Variants in CCDC85A observed in about 807,000 individuals in gnomAD.
CCDC85A encodes coiled-coil domain-containing protein 85A.
Under a neutral mutation model 50.2 loss-of-function variants are expected in CCDC85A, and 38 were observed. That is an observed-to-expected ratio of 0.76 (90% CI 0.58 to 0.99). The LOEUF is 0.99. Ranked by LOEUF, CCDC85A falls within the 50% of genes least tolerant of loss-of-function variation. The probability of loss-of-function intolerance (pLI) is 0.00; values close to 1 mark genes in which losing one functional copy is unlikely to be tolerated. For missense variants in CCDC85A, 820 were observed against 742.0 expected, an observed-to-expected ratio of 1.11 and a Z score of -1.22; for synonymous variants, 366 against 301.4, an observed-to-expected ratio of 1.21 and a Z score of -2.22.
At chr2:56,366,132 A>T (rs1675780491) in intron 3 of CCDC85A, among the ~76,000 whole-genome samples, 1 of 152,200 alleles carries the variant, frequency 6.6e-6, no homozygotes, top group Admixed American at 6.5e-5. Context: ...GTATATATAG[A>T]TAGCACATTT....
At chr2:56,335,518 G>A (rs1312774681) in intron 2 of CCDC85A, among the ~76,000 whole-genome samples, 3 of 152,046 alleles carry the variant, frequency 2.0e-5, no homozygotes, top group African/African-American at 7.2e-5. Flanking sequence ...AGGAATCCAA[G>A]ATCAAGGGGT....
intron 5 of CCDC85A, among the ~76,000 whole-genome samples, chr2:56,383,341 A>G (rs538894819): frequency 2.5e-4 from 38 of 152,110 alleles, no homozygotes; most frequent in Non-Finnish European, 2.9e-5. Flanking sequence ...AATCAATCTG[A>G]TCATAATCCT....
rs1676359315 is a variant in CCDC85A at position 56,192,910 on chromosome 2, T to C, written c.710T>C (p.Leu237Pro). 3 of 1,612,344 alleles carry C rather than the reference T, an allele frequency of 1.9e-6. No individual in the cohort carries two copies. Among genetic ancestry groups the C allele is most frequent in the Admixed American group, 1.7e-5 (1 of 59,832 alleles). The change falls in exon 2 of 6, where the codon CTG (leucine) becomes CCG (proline). Residue 237 changes from leucine to proline, a missense_variant. Transcript: ENST00000407595. The surrounding 1 kb of genome is among the most constrained non-coding windows in gnomAD (Gnocchi z 4.7). ...HHASSGSPEH[L>P]QKPRSEGSPE... ...GCGAGCAGTGGCAGCCCGGAGCACC[T>C]GCAGAAGCCCCGGAGCGAGGGCAGC...
At chr2:56,369,066 G>C (rs757036180) in intron 3 of CCDC85A, among the ~76,000 whole-genome samples, 3 of 151,848 alleles carry the variant, frequency 2.0e-5, no homozygotes, top group Non-Finnish European at 4.4e-5. Context: ...TCATCGTTTT[G>C]TGATTCATGT....
chr2:56,196,538 T>G (rs1313761764), intron 2 of CCDC85A, among the ~76,000 whole-genome samples: 2 of 152,170 alleles, frequency 1.3e-5, no homozygotes, highest in African/African-American at 2.4e-5. Context: ...TAGGCAAAAA[T>G]GTTTCCTTCC....
chr2:56,345,759 A>G (rs1349137793), intron 3 of CCDC85A, among the ~76,000 whole-genome samples: 2 of 152,204 alleles, frequency 1.3e-5, no homozygotes, highest in African/African-American at 2.4e-5. Flanking sequence ...TTACTCTTAG[A>G]TGTTACTGAT....
rs1324212946 is a variant in CCDC85A, at chr2:56,292,833, A to G, written c.1241-50046A>G. On this transcript the variant is annotated intron_variant, in intron 2 of 5. Transcript: ENST00000407595. ...ATGGCCCATCATTGACATTTATGATATTGCTTATAAAAAGAAGCTGAACAT... is the reference window on the plus strand; with the variant it reads ...ATGGCCCATCATTGACATTTATGATGTTGCTTATAAAAAGAAGCTGAACAT... 2.0e-5 allele frequency among the ~76,000 whole-genome samples: 3 copies of G among 152,256 alleles called. No homozygotes were observed. The East Asian group carries it at 5.8e-4, about 29-fold the overall frequency.
chr2:56,249,988 T>C (rs1669683801), intron 2 of CCDC85A, among the ~76,000 whole-genome samples: 1 of 152,224 alleles, frequency 6.6e-6, no homozygotes. Flanking sequence ...TTTGAGGATC[T>C]TGAAATGGTA....
At chr2:56,369,050 G>T (rs1011398777) in intron 3 of CCDC85A, among the ~76,000 whole-genome samples, 3 of 151,952 alleles carry the variant, frequency 2.0e-5, no homozygotes, top group Admixed American at 6.6e-5. Flanking sequence ...ATCAAATTCT[G>T]AGTGATCATC....
rs570127630 is a variant in CCDC85A, at chr2:56,212,431, G to T, written c.1240+18991G>T. ...ATTCCAAAATTACTGTTGTCGAATG[G>T]CAGTGTTCAGAGTATTCATAATGGG... On this transcript the variant is annotated intron_variant, in intron 2 of 5. Transcript: ENST00000407595. Among the ~76,000 whole-genome samples, 16 of 151,998 alleles carry T rather than the reference G, an allele frequency of 1.1e-4. No individual in the cohort carries two copies. In the East Asian group the frequency reaches 3.1e-3, roughly 30 times the overall value.
intron 2 of CCDC85A, among the ~76,000 whole-genome samples, chr2:56,256,282 T>G (rs1187187557): frequency 6.6e-6 from 1 of 152,210 alleles, no homozygotes; most frequent in Non-Finnish European, 1.5e-5. Context: ...AACCTCCTGG[T>G]TGGAATTGAC....
intron 2 of CCDC85A, among the ~76,000 whole-genome samples, chr2:56,252,770 C>G (rs1243931927): frequency 1.3e-5 from 2 of 152,122 alleles, no homozygotes; most frequent in East Asian, 3.9e-4. Flanking sequence ...GCTCAACTCC[C>G]ACCTATGAGT....
intron 3 of CCDC85A, among the ~76,000 whole-genome samples, chr2:56,371,946 A>G (rs1676096596): frequency 1.3e-5 from 2 of 152,138 alleles, no homozygotes; most frequent in Non-Finnish European, 2.9e-5. Context: ...TCCCAATTGT[A>G]TTTCAAATAA....
chr2:56,307,574 A>G (rs1281129388), intron 2 of CCDC85A, among the ~76,000 whole-genome samples: 3 of 152,216 alleles, frequency 2.0e-5, no homozygotes, highest in African/African-American at 7.2e-5. Flanking sequence ...TTAGCATATC[A>G]TTAATTGAAT....
rs536972336 is a variant in CCDC85A, at chr2:56,294,121, G to A, written c.1241-48758G>A. Among the ~76,000 whole-genome samples the A allele has an allele frequency of 6.6e-5, 10 of 152,296 alleles. No individual in the cohort carries two copies. In the East Asian group the frequency reaches 1.9e-3, roughly 29 times the overall value. ...ATTGTGCAACCATAAAATGGAATGA[G>A]ATCATGTCCATTGCAGGGACATGGA... On this transcript the variant is annotated intron_variant, in intron 2 of 5. Coordinates refer to ENST00000407595, the MANE Select transcript of CCDC85A (RefSeq NM_001080433.2).
intron 4 of CCDC85A, among the ~76,000 whole-genome samples, chr2:56,374,466 A>G (rs950430692): frequency 4.6e-5 from 7 of 152,238 alleles, no homozygotes; most frequent in Admixed American, 3.9e-4. Flanking sequence ...ATCCATACCT[A>G]TAATTGCTGG....
chr2:56,247,466 A>T lies in CCDC85A; in HGVS notation c.1240+54026A>T, dbSNP rs558214640. ...CACTTTTCATAGGAGGTTGTTCTGC[A>T]ATCTTAAAGTAACTGGAGTGTTTTC... is the stretch of plus-strand genomic sequence containing the variant. On this transcript the variant is annotated intron_variant, in intron 2 of 5. Transcript: ENST00000407595. 3.3e-5 allele frequency among the ~76,000 whole-genome samples: 5 copies of T among 152,316 alleles called. No individual in the cohort carries two copies. In the East Asian group the frequency reaches 9.6e-4, roughly 29 times the overall value.
intron 3 of CCDC85A, among the ~76,000 whole-genome samples, chr2:56,348,820 G>A (rs1249658263): frequency 6.6e-6 from 1 of 152,170 alleles, no homozygotes; most frequent in Non-Finnish European, 1.5e-5. Context: ...TTCCTTGTTT[G>A]CTGTGGCGAT....
At chr2:56,279,182 C>T (rs528583517) in intron 2 of CCDC85A, among the ~76,000 whole-genome samples, 3 of 152,246 alleles carry the variant, frequency 2.0e-5, no homozygotes, top group African/African-American at 7.2e-5. Flanking sequence ...AGGTGTGTGG[C>T]TAGTATTATC....
Sources: gnomAD v4.1 joint callset for allele counts (sites outside exome capture counted in the v4.1 genomes callset) on GRCh38, gnomAD v4.1.1 for gene constraint, Gnocchi (gnomAD v3.1) non-coding constraint, MANE v1.5 for transcripts, NCBI Gene and HGNC (gene_info 2026-07-23, HGNC 2026-07-21) for gene names.